Variants in ADGRL3 observed in about 807,000 individuals in gnomAD.
ADGRL3 encodes the protein adhesion G protein-coupled receptor L3.
A neutral mutation model predicts 153.5 loss-of-function variants in ADGRL3; 62 were observed. The ratio of observed to expected loss-of-function variants is 0.40; its 90% CI spans 0.33 to 0.50. The LOEUF (loss-of-function observed/expected upper bound fraction) is 0.50. Ranked by LOEUF, ADGRL3 falls within the 20% of genes least tolerant of loss-of-function variation. ADGRL3 has a pLI of 0.47. For missense variants in ADGRL3, 1,641 were observed against 1,859.4 expected (o/e 0.88, Z 2.16); for synonymous variants, 710 against 672.5 (o/e 1.06, Z -0.86).
intron 11 of ADGRL3, among the ~76,000 whole-genome samples, chr4:61,898,132 G>A (rs1289657010): frequency 6.6e-6 from 1 of 152,034 alleles, no homozygotes; most frequent in East Asian, 1.9e-4. Flanking sequence ...CCAACCAGAA[G>A]CCAAAGAAGG....
At chr4:61,733,898 T>C (rs1156518055) in intron 8 of ADGRL3, among the ~76,000 whole-genome samples, 1 of 152,194 alleles carries the variant, frequency 6.6e-6, no homozygotes, top group Non-Finnish European at 1.5e-5. Context: ...GTCTAATTAA[T>C]TGTGAAATGC....
At chr4:61,313,692 C>A (rs1225226254) in intron 1 of ADGRL3, among the ~76,000 whole-genome samples, 1 of 152,108 alleles carries the variant, frequency 6.6e-6, no homozygotes, top group Non-Finnish European at 1.5e-5. Flanking sequence ...TAAATTAAGA[C>A]CCCCAAATAC....
chr4:62,037,597 G>GTAA (rs1725784607), intron 23 of ADGRL3, 134 bp from the exon 24 acceptor site: 2 of 982,352 alleles, frequency 2.0e-6, no homozygotes, highest in African/African-American at 1.6e-5. Flanking sequence ...AATATATGCT[G>GTAA]AACAGACTTT....
chr4:62,063,529 G>A (rs1176281962), intron 25 of ADGRL3: 7 of 693,864 alleles, frequency 1.0e-5, no homozygotes, highest in East Asian at 2.7e-5. Context: ...CATCTTATAA[G>A]CAATGCTCTG....
rs1390587751 is a variant in ADGRL3, at chr4:61,356,358, AG to A, written c.-239-26762del. ...TAAGGCTACATCAAATGCACTGTCT[AG>A]GGGTACATCATTAGTTAAATGGAAC... is the stretch of plus-strand genomic sequence containing the variant. On this transcript the variant is annotated intron_variant, in intron 1 of 26. Coordinates refer to ENST00000683033, the MANE Select transcript of ADGRL3 (RefSeq NM_001387552.1). Among the ~76,000 whole-genome samples the A allele has an allele frequency of 4.6e-5, 7 of 152,156 alleles. No individual in the cohort carries two copies. In the East Asian group the frequency reaches 1.2e-3, roughly 25 times the overall value.
intron 8 of ADGRL3, among the ~76,000 whole-genome samples, chr4:61,742,497 G>A (rs189431780): frequency 1.3e-5 from 2 of 152,054 alleles, no homozygotes; most frequent in African/African-American, 2.4e-5. Context: ...AGACAGGATG[G>A]TCTCTATATC....
intron 4 of ADGRL3, among the ~76,000 whole-genome samples, chr4:61,529,487 G>T (rs1396097937): frequency 6.6e-6 from 1 of 152,124 alleles, no homozygotes; most frequent in African/African-American, 2.4e-5. Flanking sequence ...AAAGTGTCCT[G>T]ATTTGGGTGA....
chr4:61,413,387 G>A lies in ADGRL3; in HGVS notation c.-174+30198G>A, dbSNP rs1051746554. ...GAAACGGGTGCTCTTTACTGACAAC[G>A]TGGGGTGGCAGGTCATCACTACTCT... is the stretch of plus-strand genomic sequence containing the variant. On this transcript the variant is annotated intron_variant, in intron 2 of 26. Transcript: ENST00000683033. 7.2e-5 allele frequency among the ~76,000 whole-genome samples: 11 copies of A among 152,202 alleles called. No individual in the cohort carries two copies. The East Asian group carries it at 9.7e-4, about 13-fold the overall frequency.
chr4:61,886,697 A>C (rs1170089097), intron 9 of ADGRL3, among the ~76,000 whole-genome samples: 4 of 152,032 alleles, frequency 2.6e-5, no homozygotes, highest in Non-Finnish European at 5.9e-5. Flanking sequence ...GCTGTAGTGC[A>C]GTGGGGCAAC....
intron 9 of ADGRL3, among the ~76,000 whole-genome samples, chr4:61,834,755 C>T (rs2097913853): frequency 6.6e-6 from 1 of 152,102 alleles, no homozygotes; most frequent in African/African-American, 2.4e-5. Context: ...ATGACAAAGG[C>T]ATTAGTACTT....
chr4:61,388,032 C>A (rs1325915311), intron 2 of ADGRL3, among the ~76,000 whole-genome samples: 2 of 152,132 alleles, frequency 1.3e-5, no homozygotes, highest in Non-Finnish European at 2.9e-5. Context: ...CGGGTCCCTC[C>A]ATTTGGGGTC....
intron 5 of ADGRL3, among the ~76,000 whole-genome samples, chr4:61,622,032 G>A (rs920644573): frequency 3.3e-5 from 5 of 152,100 alleles, no homozygotes; most frequent in African/African-American, 1.2e-4. Context: ...AGCTGTGTTG[G>A]TATATTTATG....
rs149472429 is a variant in ADGRL3, at chr4:61,726,210, G to GTTTTTTTTTTTTTTTTTTTT, written c.584-4406_584-4405insTTTTTTTTTTTTTTTTTTTT. ...AATACTCACTGGAACTTTTTTTTTT[G>GTTTTTTTTTTTTTTTTTTTT]TTTTTTGAGAAGGAGTCTCACCCTG... On this transcript the variant is annotated intron_variant, in intron 6 of 26. Coordinates refer to ENST00000683033, the MANE Select transcript of ADGRL3 (RefSeq NM_001387552.1). Among the ~76,000 whole-genome samples, 52 of 118,510 alleles carry GTTTTTTTTTTTTTTTTTTTT rather than the reference G, an allele frequency of 4.4e-4. 9 individuals carry two copies. The highest frequency in any genetic ancestry group is 1.0e-3 in the East Asian group (4 of 3,898). The allele number at this position is 118,510 out of a possible 152,430, so 77.7% of individuals were successfully genotyped here.
At chr4:61,856,162 C>A (rs2098261393) in intron 9 of ADGRL3, among the ~76,000 whole-genome samples, 1 of 152,058 alleles carries the variant, frequency 6.6e-6, no homozygotes, top group South Asian at 2.1e-4. Flanking sequence ...GAATCCAGGA[C>A]TTGGAGATCA....
At position 62,074,733 on chromosome 4, in the gene ADGRL3, T is replaced by G. The variant is rs1746620326; in HGVS notation, c.*3825T>G. The G allele has an allele frequency of 6.6e-6, 1 of 152,180 alleles. No individual in the cohort carries two copies. Among genetic ancestry groups the G allele is most frequent in the South Asian group, 2.1e-4 (1 of 4,838 alleles). 9.4% of individuals were successfully genotyped at this position (152,180 alleles called of 1,614,324 possible). ...AATTCACATTGACTCTAAATTAAGA[T>G]GTAGTTTATCATCTGTATTTTAAAA... On this transcript the variant is annotated 3_prime_UTR_variant, in exon 27 of 27. Coordinates refer to ENST00000683033, the MANE Select transcript of ADGRL3 (RefSeq NM_001387552.1).
rs1314907757 is a variant in ADGRL3, at chr4:61,206,251, ATAT to A, written c.-240+4491_-240+4493del. Among the ~76,000 whole-genome samples the A allele has an allele frequency of 9.8e-5, 15 of 152,352 alleles. No individual in the cohort carries two copies. The South Asian group carries it at 3.1e-3, about 32-fold the overall frequency. On this transcript the variant is annotated intron_variant, in intron 1 of 26. Transcript: ENST00000683033. ...GTTAAAAGAAGTGAAAATTTGGTCC[ATAT>A]TATTCAAGAATTTAAATGGAATATT...
Position 61,979,566 on chromosome 4 carries a change from A to G in ADGRL3, c.2809A>G (p.Ser937Gly). Reference sequence around the variant, plus strand: ...GGCTTTTTCATTGTGTTTCCAGCACAGTGATGCGGTCCATGACCTCCTTCT... The same window carrying G: ...GGCTTTTTCATTGTGTTTCCAGCACGGTGATGCGGTCCATGACCTCCTTCT... ...VLMAHVEVKH[S>G]DAVHDLLLDV... Residue 937 changes from serine (S) to glycine (G), a missense_variant, in exon 18 of 27, where the codon AGT (serine) becomes GGT (glycine). By Grantham distance (56) the Ser-to-Gly change is moderately conservative. Coordinates refer to ENST00000683033, the MANE Select transcript of ADGRL3 (RefSeq NM_001387552.1). 1 of 1,613,624 alleles carries G rather than the reference A, an allele frequency of 6.2e-7. No homozygotes were observed. The highest frequency in any genetic ancestry group is 8.5e-7 in the Non-Finnish European group (1 of 1,179,800).
intron 2 of ADGRL3, among the ~76,000 whole-genome samples, chr4:61,495,212 A>G (rs1012211675): frequency 3.3e-5 from 5 of 152,192 alleles, no homozygotes; most frequent in South Asian, 2.1e-4. Context: ...CTTAACTACC[A>G]TGCCGTAAAT....
Position 61,496,360 on chromosome 4 carries a change from G to T in ADGRL3, c.-173-761G>T, listed in dbSNP as rs547140697. ...GCTTACTTTGTGTAAGCTTTACCATGGTATAATATATATGTATTTTTAGCC... is the reference window on the plus strand; with the variant it reads ...GCTTACTTTGTGTAAGCTTTACCATTGTATAATATATATGTATTTTTAGCC... On this transcript the variant is annotated intron_variant, in intron 2 of 26. Transcript: ENST00000683033. Among the ~76,000 whole-genome samples, 3 of 152,204 alleles carry T rather than the reference G, an allele frequency of 2.0e-5. No individual in the cohort carries two copies. The East Asian group carries it at 5.8e-4, about 29-fold the overall frequency.
Sources: gnomAD v4.1 joint callset for allele counts (sites outside exome capture counted in the v4.1 genomes callset) on GRCh38, gnomAD v4.1.1 for gene constraint, MANE v1.5 for transcripts, NCBI Gene and HGNC (gene_info 2026-07-23, HGNC 2026-07-21) for gene names.